Variants in RYR1 observed in about 807,000 individuals in gnomAD.
RYR1 encodes the protein central core disease of muscle.
In RYR1, 342 loss-of-function variants were observed where a neutral mutation model predicts 583.5. The ratio of observed to expected loss-of-function variants is 0.59; its 90% CI spans 0.54 to 0.64. The LOEUF is 0.64. Ranked by LOEUF, RYR1 falls within the 30% of genes least tolerant of loss-of-function variation. The pLI, the probability that RYR1 is intolerant of heterozygous loss-of-function variation, is 0.00. For synonymous variants in RYR1, 2,791 were observed against 2,822.5 expected (o/e 0.99, Z 0.35); for missense variants, 6,032 against 6,917.2 (o/e 0.87, Z 4.54).
chr19:38,527,687 A>G lies in RYR1; in HGVS notation c.10727A>G (p.Tyr3576Cys). Residue 3576 changes from tyrosine (Y) to cysteine (C), a missense_variant, in exon 73 of 106, where the codon TAC becomes TGC. Tyr to Cys is a radical substitution (Grantham distance 194). Transcript: ENST00000359596. Reference protein sequence around the residue: ...SPSLRWQMALYRGVPGREEDA... With the variant: ...SPSLRWQMALCRGVPGREEDA... ...TCTCTGCGCTGGCAGATGGCTCTGT[A>G]CCGGGGCGTCCCGGGTCGCGAGGAG... 1 of 1,614,000 alleles carries G rather than the reference A, an allele frequency of 6.2e-7. No individual in the cohort carries two copies. Among genetic ancestry groups the G allele is most frequent in the Non-Finnish European group, 8.5e-7 (1 of 1,180,010 alleles).
chr19:38,463,531 A>G lies in RYR1; in HGVS notation c.2682+4A>G. 6.2e-7 allele frequency: 1 copy of G among 1,611,122 alleles called. No individual in the cohort carries two copies. Among genetic ancestry groups the G allele is most frequent in the Non-Finnish European group, 8.5e-7 (1 of 1,179,276 alleles). Reference sequence around the variant, plus strand: ...GCAGGGCTGGACCTACGGCCCGGTGAGGGGCTGCCTGCAGCCTGCGGGAGG... The same window carrying G: ...GCAGGGCTGGACCTACGGCCCGGTGGGGGGCTGCCTGCAGCCTGCGGGAGG... On this transcript the variant is annotated splice_donor_region_variant and intron_variant, in intron 21 of 105. Transcript: ENST00000359596.
rs776061845 is a variant in RYR1, at chr19:38,452,890, G to T, written c.1316G>T (p.Gly439Val). ...GCTGGCACGGCGCTGCCCATCGAGG[G>T]CGTTATCCTGAGCCTGCAGGACCTC... ...PPAGTALPIEGVILSLQDLII... is the reference protein window; with the variant it reads ...PPAGTALPIEVVILSLQDLII... The change falls in exon 13 of 106, where the codon GGC becomes GTC. Residue 439 changes from glycine (G) to valine (V), a missense_variant. Coordinates refer to ENST00000359596, the MANE Select transcript of RYR1 (RefSeq NM_000540.3). 6.2e-7 allele frequency: 1 copy of T among 1,612,762 alleles called. No homozygotes were observed. The highest frequency in any genetic ancestry group is 1.3e-5 in the African/African-American group (1 of 74,920).
intron 48 of RYR1, 23 bp downstream of exon 48, chr19:38,502,750 G>C (rs747955407): frequency 1.5e-5 from 19 of 1,236,488 alleles, no homozygotes; most frequent in African/African-American, 7.1e-5. Flanking sequence ...AGGCTTCAGG[G>C]TGGGGCAGGG....
chr19:38,567,262 G>T (rs927724490), intron 92 of RYR1, among the ~76,000 whole-genome samples: 4 of 152,104 alleles, frequency 2.6e-5, no homozygotes, highest in Non-Finnish European at 4.4e-5. Context: ...GGAGGTGGAG[G>T]CTGCAGTGAG....
intron 63 of RYR1, among the ~76,000 whole-genome samples, chr19:38,513,735 CAAA>C (rs35735689): frequency 9.4e-5 from 12 of 128,188 alleles, no homozygotes; most frequent in African/African-American, 3.2e-4. Flanking sequence ...GACTCCATCT[CAAA>C]AAAAAAAAAA....
At chr19:38,525,841 C>T (rs1015376110) in intron 71 of RYR1, among the ~76,000 whole-genome samples, 7 of 151,414 alleles carry the variant, frequency 4.6e-5, no homozygotes, top group African/African-American at 1.7e-4. Context: ...CCCTGAGAGT[C>T]CCCCCAACAA....
In RYR1 at chr19:38,529,013, C is replaced by T. The variant is rs1164049920; in HGVS notation, c.11097C>T (p.His3699=). Residue 3699 remains histidine (H), a synonymous_variant, in exon 76 of 106, where the codon CAC becomes CAT. Coordinates refer to ENST00000359596, the MANE Select transcript of RYR1 (RefSeq NM_000540.3). ...AAGAGAAGAAGCCAGACCCCCTGCACCAGTTGGTCCTGCACTTCAGCCGCA... is the reference window on the plus strand; with the variant it reads ...AAGAGAAGAAGCCAGACCCCCTGCATCAGTTGGTCCTGCACTTCAGCCGCA... ...EVEEKKPDPL[H]QLVLHFSRTA... The T allele has an allele frequency of 6.2e-7, 1 of 1,613,804 alleles. No homozygotes were observed. The highest frequency in any genetic ancestry group is 1.3e-5 in the African/African-American group (1 of 74,908).
Position 38,502,739 on chromosome 19 carries a change from C to T in RYR1, c.7835+12C>T, listed in dbSNP as rs755502084. The T allele has an allele frequency of 1.2e-5, 16 of 1,367,428 alleles. No individual in the cohort carries two copies. The highest frequency in any genetic ancestry group is 1.1e-4 in the Admixed American group (5 of 47,298). 84.7% of individuals were successfully genotyped at this position (1,367,428 alleles called of 1,614,324 possible). ...ATGTCGCTCTGCAGGTGGAGCGGGGCAGGCTTCAGGGTGGGGCAGGGGCAG... is the reference window on the plus strand; with the variant it reads ...ATGTCGCTCTGCAGGTGGAGCGGGGTAGGCTTCAGGGTGGGGCAGGGGCAG... On this transcript the variant is annotated intron_variant, in intron 48 of 105. Transcript: ENST00000359596.
At chr19:38,521,346 A>G (rs1971217649) in intron 67 of RYR1, among the ~76,000 whole-genome samples, 1 of 150,902 alleles carries the variant, frequency 6.6e-6, no homozygotes, top group Non-Finnish European at 1.5e-5. Flanking sequence ...AAAATATGTG[A>G]ACCTACTTAG....
In RYR1 at chr19:38,580,464, A is replaced by C. The variant is rs781367427; in HGVS notation, c.14606A>C (p.Asp4869Ala). ...CGCAAGTTCTACAACAAGAGCGAGG[A>C]TGAGGATGAACCTGACATGAAGTGT... ...FFRKFYNKSE[D>A]EDEPDMKCDD... is the part of the protein sequence containing the mutation. Residue 4869 changes from aspartate (D) to alanine (A), a missense_variant, in exon 101 of 106, where the codon GAT becomes GCT. Asp to Ala is a moderately radical substitution (Grantham distance 126). Coordinates refer to ENST00000359596, the MANE Select transcript of RYR1 (RefSeq NM_000540.3). 37 of 1,614,058 alleles carry C rather than the reference A, an allele frequency of 2.3e-5. No individual in the cohort carries two copies. Among genetic ancestry groups the C allele is most frequent in the Middle Eastern group, 3.3e-4 (2 of 6,084 alleles).
At chr19:38,568,492 T>G (rs1011514798) in intron 93 of RYR1, among the ~76,000 whole-genome samples, 1 of 151,228 alleles carries the variant, frequency 6.6e-6, no homozygotes, top group Non-Finnish European at 1.5e-5. Flanking sequence ...TCCCAGCACC[T>G]TGGGAGGCCG....
chr19:38,512,461 C>T lies in RYR1; in HGVS notation c.9450C>T (p.His3150=), dbSNP rs1600872610. 2 of 1,612,680 alleles carry T rather than the reference C, an allele frequency of 1.2e-6. No individual in the cohort carries two copies. The highest frequency in any genetic ancestry group is 2.2e-5 in the South Asian group (2 of 91,088). The change falls in exon 63 of 106, where the codon CAC becomes CAT. Residue 3150 remains histidine (H), a synonymous_variant. Transcript: ENST00000359596. The surrounding 1 kb of genome is among the most constrained non-coding windows in gnomAD (Gnocchi z 5.1). ...CCCTCTTCCAGCACATCGCCCAGCA[C>T]CAGTTCGGAGATGACGTCATCCGTA... The part of the protein sequence containing the change: ...LTTLFQHIAQ[H]QFGDDVILDD...
At position 38,572,267 on chromosome 19, in the gene RYR1, C is replaced by T; in HGVS notation, c.13995C>T (p.Leu4665=). 1 of 1,518,620 alleles carries T rather than the reference C, an allele frequency of 6.6e-7. No homozygotes were observed. The highest frequency in any genetic ancestry group is 1.5e-5 in the African/African-American group (1 of 67,634). The allele number at this position is 1,518,620 out of a possible 1,614,324, so 94.1% of individuals were successfully genotyped here. A position where few individuals can be genotyped will look rare whatever the true frequency, so the allele number is the denominator to read the frequency against. The change falls in exon 95 of 106, where the codon CTC becomes CTT. Residue 4665 remains leucine, a synonymous_variant. Transcript: ENST00000359596. ...TCTGCATCATTGGCTATAATTGTCT[C>T]AAGGTGGGCCCATGGCCATGGTTCT... ...AFLCIIGYNC[L]KVPLVIFKRE...
At chr19:38,580,602 G>A in intron 101 of RYR1, 98 bp downstream of exon 101, 3 of 1,488,300 alleles carry the variant, frequency 2.0e-6, no homozygotes, top group Non-Finnish European at 1.9e-6. Context: ...CCTCCAGCCT[G>A]CAATCCCAGT....
At chr19:38,575,544 A>G (rs1973917650) in intron 96 of RYR1, among the ~76,000 whole-genome samples, 1 of 152,192 alleles carries the variant, frequency 6.6e-6, no homozygotes, top group Non-Finnish European at 1.5e-5. Context: ...GGCGCCTGTA[A>G]TCCCAGCACT....
chr19:38,525,258 G>A, intron 70 of RYR1, 74 bp from the exon 71 acceptor site: 1 of 1,591,798 alleles, frequency 6.3e-7, no homozygotes, highest in Non-Finnish European at 8.6e-7. Flanking sequence ...CCTGGGGTGT[G>A]GATGATGGCC....
chr19:38,492,576 C>G lies in RYR1; in HGVS notation c.6214C>G (p.Leu2072Val), dbSNP rs1290151222. Residue 2072 changes from leucine to valine, a missense_variant, in exon 38 of 106, where the codon CTG (leucine) becomes GTG (valine). By Grantham distance (32) the Leu-to-Val change is conservative (BLOSUM62 1). This residue lies in a region of RYR1 where 2,627 missense variants were observed against 2,961.3 expected (regional missense o/e 0.89). Transcript: ENST00000359596. ...RLMSLLEKVR[L>V]VKKKEEKPEE... Reference sequence around the variant, plus strand: ...CATGAGCCTGTTGGAGAAAGTGCGGCTGGTGAAGAAGAAGGAAGAGAAACC... The same window carrying G: ...CATGAGCCTGTTGGAGAAAGTGCGGGTGGTGAAGAAGAAGGAAGAGAAACC... The G allele has an allele frequency of 6.2e-7, 1 of 1,611,132 alleles. No homozygotes were observed. The highest frequency in any genetic ancestry group is 1.7e-5 in the Admixed American group (1 of 59,914).
chr19:38,569,250 A>G (rs544685164), intron 93 of RYR1, among the ~76,000 whole-genome samples: 10 of 151,266 alleles, frequency 6.6e-5, no homozygotes, highest in East Asian at 3.9e-4. Context: ...CTTGTGATCC[A>G]CCCGCCTTGG....
intron 99 of RYR1, among the ~76,000 whole-genome samples, chr19:38,579,356 C>T (rs909762030): frequency 1.4e-4 from 21 of 148,184 alleles, no homozygotes; most frequent in African/African-American, 3.0e-4. Context: ...ACCCGGGAGG[C>T]GGAGGTTGCA....
Sources: gnomAD v4.1 joint callset for allele counts (sites outside exome capture counted in the v4.1 genomes callset) on GRCh38, gnomAD v4.1.1 for gene constraint, gnomAD v4.1.1 regional missense constraint, Gnocchi (gnomAD v3.1) non-coding constraint, MANE v1.5 for transcripts, NCBI Gene and HGNC (gene_info 2026-07-23, HGNC 2026-07-21) for gene names.